The following CHIC2 variants were observed in gnomAD, a reference collection of about 807,000 sequenced individuals.
The protein encoded by CHIC2 is cysteine-rich hydrophobic domain-containing protein 2.
In CHIC2, 14 loss-of-function variants were observed where a neutral mutation model predicts 25.9. The ratio of observed to expected loss-of-function variants is 0.54; its 90% confidence interval spans 0.36 to 0.85. The LOEUF (loss-of-function observed/expected upper bound fraction) is 0.85. Among genes scored for constraint, CHIC2 ranks in the 40% least tolerant of loss-of-function variants. The probability of loss-of-function intolerance (pLI) is 0.01; values close to 1 mark genes in which losing one functional copy is unlikely to be tolerated. For missense variants in CHIC2, 146 were observed against 202.0 expected, an observed-to-expected ratio of 0.72 and a Z score of 1.68; for synonymous variants, 70 against 72.0, an observed-to-expected ratio of 0.97 and a Z score of 0.14.
chr4:54,072,017 G>T, the CHIC2 span, among the ~76,000 whole-genome samples: 2 of 146,332 alleles, frequency 1.4e-5, no homozygotes, highest in African/African-American at 5.1e-5. Flanking sequence ...AATTTAGGCT[G>T]GGTGCGGTGG....
chr4:54,047,917 G>T (rs4864840), intron 3 of CHIC2, among the ~76,000 whole-genome samples: 1 of 152,066 alleles, frequency 6.6e-6, no homozygotes, highest in Admixed American at 6.5e-5. Flanking sequence ...TACAATTTTT[G>T]AAAATTTTAA....
chr4:54,022,265 C>G (rs1715922525), intron 3 of CHIC2, among the ~76,000 whole-genome samples: 2 of 152,180 alleles, frequency 1.3e-5, no homozygotes, highest in South Asian at 4.1e-4. Context: ...ATCTTCTCAG[C>G]TTAGTGGCTG....
At chr4:54,035,691 T>C (rs746984869) in intron 3 of CHIC2, among the ~76,000 whole-genome samples, 1 of 152,190 alleles carries the variant, frequency 6.6e-6, no homozygotes, top group Non-Finnish European at 1.5e-5. Flanking sequence ...CTATTGATTT[T>C]ATGCTTTATA....
chr4:54,056,602 G>A (rs905056138), intron 1 of CHIC2, among the ~76,000 whole-genome samples: 1 of 152,080 alleles, frequency 6.6e-6, no homozygotes. Flanking sequence ...AGTTCTTGCA[G>A]GAAGCTCACT....
intron 3 of CHIC2, among the ~76,000 whole-genome samples, chr4:54,043,595 G>C (rs1405857929): frequency 6.6e-6 from 1 of 151,994 alleles, no homozygotes; most frequent in African/African-American, 2.4e-5. Flanking sequence ...TTACAGACAA[G>C]CAAATGCTGA....
chr4:54,085,618 A>G, the CHIC2 span, among the ~76,000 whole-genome samples: 1 of 152,252 alleles, frequency 6.6e-6, no homozygotes, highest in Non-Finnish European at 1.5e-5. Context: ...TCTTGTTTTC[A>G]ACCCTGTGTA....
chr4:54,015,556 C>T (rs1045525523), intron 3 of CHIC2, among the ~76,000 whole-genome samples: 4 of 152,082 alleles, frequency 2.6e-5, no homozygotes, highest in African/African-American at 9.7e-5. Context: ...GTCGTTTTGT[C>T]CCTTGTCTAG....
the CHIC2 span, among the ~76,000 whole-genome samples, chr4:54,088,881 G>T: frequency 3.3e-5 from 5 of 152,300 alleles, no homozygotes; most frequent in South Asian, 1.0e-3. Context: ...TACAGGATTA[G>T]AGAAAGAGCA....
chr4:54,071,742 A>G, the CHIC2 span, among the ~76,000 whole-genome samples: 4 of 152,198 alleles, frequency 2.6e-5, no homozygotes, highest in Non-Finnish European at 5.9e-5. Flanking sequence ...TGGGAGGCCG[A>G]GGCAGGCAGA....
intron 1 of CHIC2, among the ~76,000 whole-genome samples, chr4:54,058,728 T>A (rs1346248024): frequency 1.3e-5 from 2 of 152,154 alleles, no homozygotes; most frequent in East Asian, 3.8e-4. Flanking sequence ...ACACAGCTAT[T>A]AGAGATTTGA....
the CHIC2 span, chr4:54,076,518 C>T: frequency 3.9e-5 from 6 of 152,282 alleles, no homozygotes; most frequent in Admixed American, 1.3e-4. Context: ...TTTTAAAAGT[C>T]TATATGCTTC....
intron 3 of CHIC2, 50 bp from the exon 4 acceptor site, chr4:54,014,169 T>C: frequency 1.9e-6 from 3 of 1,563,252 alleles, no homozygotes; most frequent in Non-Finnish European, 2.6e-6. Flanking sequence ...TTTAGAAAAC[T>C]TTGTTTTGCA....
chr4:54,015,641 T>G (rs1715715775), intron 3 of CHIC2, among the ~76,000 whole-genome samples: 1 of 152,120 alleles, frequency 6.6e-6, no homozygotes, highest in Non-Finnish European at 1.5e-5. Context: ...AATCGCACCA[T>G]GAAAAGAACA....
intron 3 of CHIC2, among the ~76,000 whole-genome samples, chr4:54,034,997 GT>G (rs772523133): frequency 5.3e-5 from 8 of 152,126 alleles, no homozygotes; most frequent in Non-Finnish European, 7.4e-5. Context: ...TTGTTGTGTG[GT>G]TTTTCTTTTT....
At chr4:54,038,186 T>C (rs536123014) in intron 3 of CHIC2, among the ~76,000 whole-genome samples, 20 of 152,276 alleles carry the variant, frequency 1.3e-4, no homozygotes, top group Middle Eastern at 3.4e-3. Context: ...AAAACTGTCA[T>C]TATTTTCTGA....
Position 54,009,993 on chromosome 4 carries a change from C to T in CHIC2, c.*102G>A, listed in dbSNP as rs187309832. On this transcript the variant is annotated 3_prime_UTR_variant, in exon 6 of 6. Coordinates refer to ENST00000263921, the MANE Select transcript of CHIC2 (RefSeq NM_012110.4). ...AAACAAAAACAAAAAAAACACCACACGATTCTGTAGAACCAATGTTATGTC... is the reference window on the plus strand; with the variant it reads ...AAACAAAAACAAAAAAAACACCACATGATTCTGTAGAACCAATGTTATGTC... 2.7e-4 allele frequency: 181 copies of T among 660,574 alleles called. 2 individuals are homozygous for T. Among genetic ancestry groups the T allele is most frequent in the Admixed American group, 1.8e-3 (57 of 32,500 alleles). The allele number at this position is 660,574 out of a possible 1,614,324, so 40.9% of individuals were successfully genotyped here.
chr4:54,066,519 A>T (rs939811470), upstream of CHIC2, among the ~76,000 whole-genome samples: 8 of 151,994 alleles, frequency 5.3e-5, no homozygotes, highest in Non-Finnish European at 8.8e-5. Flanking sequence ...AGATGCTATG[A>T]TATGCTATAT....
At chr4:54,066,664 C>G (rs1486694404), upstream of CHIC2, among the ~76,000 whole-genome samples, 1 of 148,468 alleles carries the variant, frequency 6.7e-6, no homozygotes. Context: ...CTCACTCTCT[C>G]ACCTAGGCTG....
At chr4:54,042,487 T>C (rs1716608331) in intron 3 of CHIC2, among the ~76,000 whole-genome samples, 1 of 152,182 alleles carries the variant, frequency 6.6e-6, no homozygotes, top group Non-Finnish European at 1.5e-5. Context: ...TTATTACTCA[T>C]TTAAAGGTTT....
Sources: allele counts gnomAD v4.1 joint callset (sites outside exome capture counted in the v4.1 genomes callset), GRCh38; gene constraint gnomAD v4.1.1; transcripts MANE v1.5; gene names NCBI Gene and HGNC (gene_info 2026-07-23, HGNC 2026-07-21).